Variants in MSI2 observed in about 807,000 individuals in gnomAD.
The protein encoded by MSI2 is musashi RNA binding protein 2, also known as RNA-binding protein Musashi homolog 2.
MSI2 carries 17 observed loss-of-function variants against 45.6 expected under a neutral mutation model. That is an observed-to-expected ratio of 0.37 (90% CI 0.26 to 0.56). MSI2 has a LOEUF of 0.56. Among genes scored for constraint, MSI2 ranks in the 20% least tolerant of loss-of-function variants. The pLI is 0.77. For synonymous variants in MSI2, 156 were observed against 158.2 expected (o/e 0.99, Z 0.11); for missense variants, 293 against 444.2 (o/e 0.66, Z 3.06).
chr17:57,635,670 G>A (rs145634099), intron 10 of MSI2, among the ~76,000 whole-genome samples: 175 of 152,340 alleles, frequency 1.1e-3, no homozygotes, highest in Non-Finnish European at 1.3e-3. Flanking sequence ...CCCCAGGCAG[G>A]GAGACCCTTC....
At chr17:57,510,526 C>A (rs1426162356) in intron 6 of MSI2, among the ~76,000 whole-genome samples, 3 of 151,978 alleles carry the variant, frequency 2.0e-5, no homozygotes, top group Admixed American at 2.0e-4. Context: ...CTCCCGGGTT[C>A]AAGTGATTCT....
At chr17:57,578,946 G>A (rs536791863) in intron 7 of MSI2, among the ~76,000 whole-genome samples, 6 of 152,084 alleles carry the variant, frequency 3.9e-5, no homozygotes, top group Middle Eastern at 3.4e-3. Flanking sequence ...AGTGTGTCTC[G>A]GAAACTTGCT....
intron 7 of MSI2, among the ~76,000 whole-genome samples, chr17:57,588,671 G>A (rs557361128): frequency 5.9e-4 from 90 of 152,312 alleles, no homozygotes; most frequent in Admixed American, 3.5e-3. Context: ...AGCTGGAGTG[G>A]ATGACCATAT....
intron 5 of MSI2, among the ~76,000 whole-genome samples, chr17:57,390,877 C>G (rs1276930984): frequency 6.6e-6 from 1 of 152,258 alleles, no homozygotes; most frequent in African/African-American, 2.4e-5. Flanking sequence ...CTCGGCCATT[C>G]CTTCTAACAT....
rs1157260005 is a variant in MSI2 at position 57,468,934 on chromosome 17, G to A, written c.406-60742G>A. Among the ~76,000 whole-genome samples, 3 of 152,156 alleles carry A rather than the reference G, an allele frequency of 2.0e-5. No individual in the cohort carries two copies. The South Asian group carries it at 6.2e-4, about 32-fold the overall frequency. On this transcript the variant is annotated intron_variant, in intron 6 of 13. Transcript: ENST00000284073. ...TGTTCTTATAACTGACCCTCTGACAGTTTTTCCTCCCTTGAAAGCAGAGGC... is the reference window on the plus strand; with the variant it reads ...TGTTCTTATAACTGACCCTCTGACAATTTTTCCTCCCTTGAAAGCAGAGGC...
At chr17:57,383,247 A>G (rs1164791674) in intron 5 of MSI2, among the ~76,000 whole-genome samples, 2 of 152,246 alleles carry the variant, frequency 1.3e-5, no homozygotes, top group Non-Finnish European at 2.9e-5. Context: ...TTGCCTAGGA[A>G]GAGGAGGAGG....
rs67174518 is a variant in MSI2 at position 57,278,676 on chromosome 17, G to GT, written c.312+16493dup. The GT allele has an allele frequency of 6.9e-4, 105 of 152,264 alleles. 2 individuals are homozygous for GT. The South Asian group carries it at 0.01, about 15-fold the overall frequency. 9.4% of individuals were successfully genotyped at this position (152,264 alleles called of 1,614,324 possible). ...CCCCTTGGTGAGCTTGGTGAGATGT[G>GT]TTTTTTTTTCTTTTTTTAATTTTAA... On this transcript the variant is annotated intron_variant, in intron 5 of 13. Coordinates refer to ENST00000284073, the MANE Select transcript of MSI2 (RefSeq NM_138962.4).
At chr17:57,533,059 C>T (rs996083668) in intron 7 of MSI2, among the ~76,000 whole-genome samples, 2 of 152,236 alleles carry the variant, frequency 1.3e-5, no homozygotes, top group African/African-American at 4.8e-5. Flanking sequence ...ATTCAGTCTC[C>T]ACTTGCTGTT....
intron 6 of MSI2, among the ~76,000 whole-genome samples, chr17:57,409,874 G>C (rs997012024): frequency 2.0e-5 from 3 of 151,906 alleles, no homozygotes; most frequent in South Asian, 2.1e-4. Context: ...TGAGCGTGGT[G>C]GTGGGCACCT....
intron 10 of MSI2, among the ~76,000 whole-genome samples, chr17:57,646,985 T>G (rs1339871487): frequency 6.6e-6 from 1 of 152,172 alleles, no homozygotes; most frequent in African/African-American, 2.4e-5. Flanking sequence ...TGATAGGTAT[T>G]AAGCCACTAG....
chr17:57,528,845 A>G (rs2086759526), intron 6 of MSI2, among the ~76,000 whole-genome samples: 1 of 152,232 alleles, frequency 6.6e-6, no homozygotes, highest in Non-Finnish European at 1.5e-5. Flanking sequence ...CCTGGGGGTT[A>G]GGACTTCAAC....
intron 6 of MSI2, among the ~76,000 whole-genome samples, chr17:57,518,372 G>A (rs2086514173): frequency 6.6e-6 from 1 of 152,088 alleles, no homozygotes; most frequent in South Asian, 2.1e-4. Flanking sequence ...GTCACCATCC[G>A]AGACTGCATT....
intron 11 of MSI2, among the ~76,000 whole-genome samples, chr17:57,658,901 A>G (rs1006328059): frequency 2.0e-5 from 3 of 151,942 alleles, no homozygotes; most frequent in East Asian, 1.9e-4. Context: ...GGGTCTAGAG[A>G]CCCGCTCCTT....
intron 11 of MSI2, among the ~76,000 whole-genome samples, chr17:57,654,915 G>GT (rs11319236): frequency 0.21 from 28,878 of 135,216 alleles, 3,645 homozygotes; most frequent in South Asian, 0.3. Flanking sequence ...CAACGTTTGG[G>GT]TTTTTTTTTT....
At chr17:57,270,063 A>G (rs1908214734) in intron 5 of MSI2, among the ~76,000 whole-genome samples, 2 of 152,106 alleles carry the variant, frequency 1.3e-5, no homozygotes, top group Non-Finnish European at 2.9e-5. Context: ...CAGGCTTCCA[A>G]CCATCTGGAA....
chr17:57,518,096 G>A (rs1223349610), intron 6 of MSI2, among the ~76,000 whole-genome samples: 1 of 152,182 alleles, frequency 6.6e-6, no homozygotes, highest in Non-Finnish European at 1.5e-5. Flanking sequence ...AAAGAGAGCA[G>A]GGTGGAAGAT....
At chr17:57,419,172 G>C (rs1381599998) in intron 6 of MSI2, among the ~76,000 whole-genome samples, 1 of 151,378 alleles carries the variant, frequency 6.6e-6, no homozygotes, top group Non-Finnish European at 1.5e-5. Flanking sequence ...GAACTTTAAA[G>C]TATGGAGGTT....
At chr17:57,673,765 C>G (rs1220580523) in intron 11 of MSI2, among the ~76,000 whole-genome samples, 1 of 152,016 alleles carries the variant, frequency 6.6e-6, no homozygotes, top group African/African-American at 2.4e-5. Context: ...TGCAACCCCA[C>G]CACTCTCTGG....
chr17:57,425,255 A>G (rs945805522), intron 6 of MSI2, among the ~76,000 whole-genome samples: 1 of 152,032 alleles, frequency 6.6e-6, no homozygotes, highest in African/African-American at 2.4e-5. Context: ...CACATTTTGC[A>G]CAGAATTGGG....
Sources: allele counts gnomAD v4.1 joint callset (sites outside exome capture counted in the v4.1 genomes callset), GRCh38; gene constraint gnomAD v4.1.1; transcripts MANE v1.5; gene names NCBI Gene and HGNC (gene_info 2026-07-23, HGNC 2026-07-21).